PLSCR1: variants seen among roughly 807,000 people sequenced by gnomAD.
PLSCR1 encodes the protein PL scramblase 1.
Under a neutral mutation model 37.8 loss-of-function variants are expected in PLSCR1, and 17 were observed. The ratio of observed to expected loss-of-function variants is 0.45; its 90% CI spans 0.31 to 0.68. PLSCR1 has a LOEUF of 0.68. Ranked by LOEUF, PLSCR1 falls within the 30% of genes least tolerant of loss-of-function variation. PLSCR1 has a pLI of 0.06. For missense variants in PLSCR1, 347 were observed against 380.9 expected (o/e 0.91, Z 0.74); for synonymous variants, 116 against 125.9 (o/e 0.92, Z 0.53).
chr3:146,526,199 A>G (rs1443998734), intron 4 of PLSCR1, among the ~76,000 whole-genome samples: 1 of 149,040 alleles, frequency 6.7e-6, no homozygotes, highest in Non-Finnish European at 1.5e-5. Flanking sequence ...AAAAAAAAAA[A>G]AAAAAGAAAG....
chr3:146,543,834 G>A (rs1177774791), intron 1 of PLSCR1, among the ~76,000 whole-genome samples: 3 of 152,200 alleles, frequency 2.0e-5, no homozygotes, highest in Non-Finnish European at 2.9e-5. Flanking sequence ...GAAAGTGGCT[G>A]ACAGTCCACA....
In PLSCR1 at chr3:146,517,155, C is replaced by A; in HGVS notation, c.751G>T (p.Asp251Tyr). 2.0e-6 allele frequency: 3 copies of A among 1,510,788 alleles called. No individual in the cohort carries two copies. Among genetic ancestry groups the A allele is most frequent in the South Asian group, 1.3e-5 (1 of 75,004 alleles). 93.6% of individuals were successfully genotyped at this position (1,510,788 alleles called of 1,614,324 possible). Residue 251 changes from aspartate (D) to tyrosine (Y), a missense_variant, in exon 8 of 9, where the codon GAT (aspartate) becomes TAT (tyrosine). Coordinates refer to ENST00000342435, the MANE Select transcript of PLSCR1 (RefSeq NM_021105.3). Reference sequence around the variant, plus strand: ...ATTTTGCCAACCACACACTGTTCATCAAGAGATTTAATCTAAATTGAAAAA... The same window carrying A: ...ATTTTGCCAACCACACACTGTTCATAAAGAGATTTAATCTAAATTGAAAAA... ...GDVDFEIKSL[D>Y]EQCVVGKISK...
intron 3 of PLSCR1, among the ~76,000 whole-genome samples, chr3:146,532,108 T>G (rs554041205): frequency 1.3e-5 from 2 of 152,318 alleles, no homozygotes; most frequent in Admixed American, 1.3e-4. Context: ...ATATGTAATC[T>G]TGGACTTGAG....
Position 146,522,002 on chromosome 3 carries a change from C to CTTTGA in PLSCR1, c.406_407insTCAAA (p.Gly136ValfsTer29). Reference sequence around the variant, plus strand: ...TTCCGCTGCAAAGTAAACCCTCTGTCCAAAGCTGTTCTTAATTTCATATTT... The same window carrying CTTTGA: ...TTCCGCTGCAAAGTAAACCCTCTGTCTTTGACAAAGCTGTTCTTAATTTCATATTT... On this transcript the variant is annotated frameshift_variant, in exon 6 of 9. Transcript: ENST00000342435. LOFTEE classifies it high-confidence loss of function. 1.2e-6 allele frequency: 2 copies of CTTTGA among 1,613,074 alleles called. No individual in the cohort carries two copies. Among genetic ancestry groups the CTTTGA allele is most frequent in the Non-Finnish European group, 1.7e-6 (2 of 1,179,054 alleles).
chr3:146,534,742 G>A (rs1458656272), intron 2 of PLSCR1, among the ~76,000 whole-genome samples: 2 of 152,094 alleles, frequency 1.3e-5, no homozygotes, highest in Non-Finnish European at 2.9e-5. Context: ...CAGGCATGGT[G>A]GCACGCGCCT....
chr3:146,523,332 G>A (rs2044059082), intron 5 of PLSCR1, among the ~76,000 whole-genome samples: 1 of 152,192 alleles, frequency 6.6e-6, no homozygotes. Flanking sequence ...CTGTGGGTGG[G>A]CACGGTGGTG....
At position 146,521,529 on chromosome 3, in the gene PLSCR1, T is replaced by G. The variant is rs2044019499; in HGVS notation, c.738+15A>C. ...TTAGGAAAGCAAATCTTATAAACAT[T>G]ATGACATCTCTTACCTCAAAATCAA... On this transcript the variant is annotated intron_variant, in intron 7 of 8. Coordinates refer to ENST00000342435, the MANE Select transcript of PLSCR1 (RefSeq NM_021105.3). 1.2e-6 allele frequency: 2 copies of G among 1,608,042 alleles called. No homozygotes were observed. Among genetic ancestry groups the G allele is most frequent in the Non-Finnish European group, 1.7e-6 (2 of 1,176,372 alleles).
intron 1 of PLSCR1, among the ~76,000 whole-genome samples, chr3:146,537,303 G>T (rs906818369): frequency 1.8e-4 from 27 of 152,038 alleles, no homozygotes; most frequent in African/African-American, 5.8e-4. Context: ...CTACTATCCT[G>T]TCACTACTTT....
chr3:146,535,548 A>G (rs2044255257), intron 2 of PLSCR1, among the ~76,000 whole-genome samples: 1 of 152,202 alleles, frequency 6.6e-6, no homozygotes, highest in Non-Finnish European at 1.5e-5. Context: ...ATATTTACAC[A>G]TTTATTCACA....
At chr3:146,521,105 T>C (rs569358765) in intron 7 of PLSCR1, among the ~76,000 whole-genome samples, 28 of 152,242 alleles carry the variant, frequency 1.8e-4, no homozygotes, top group African/African-American at 6.7e-4. Flanking sequence ...TATCTTTGCA[T>C]AATTGGGCTT....
At chr3:146,525,698 T>A in intron 4 of PLSCR1, 51 bp from the exon 5 acceptor site, 1 of 826,858 alleles carries the variant, frequency 1.2e-6, no homozygotes, top group East Asian at 2.6e-5. Context: ...TGAAGGTTTT[T>A]ATAAGCTAAC....
At chr3:146,517,610 C>T (rs1355527517) in intron 7 of PLSCR1, among the ~76,000 whole-genome samples, 3 of 152,042 alleles carry the variant, frequency 2.0e-5, no homozygotes, top group African/African-American at 7.2e-5. Context: ...TTATTACTAC[C>T]CACTGTGAGT....
At position 146,533,479 on chromosome 3, in the gene PLSCR1, C is replaced by T. The variant is rs41267859; in HGVS notation, c.85G>A (p.Ala29Thr). The stretch of plus-strand genomic sequence containing the variant: ...TCAGCAACTGCTTTACCTTGGAATG[C>T]TGTCGGTGGATACTGAGGAGGATAC... ...VGYPPQYPPT[A>T]FQGPPGYSGY... The change falls in exon 3 of 9, where the codon GCA (alanine) becomes ACA (threonine). Residue 29 changes from alanine (A) to threonine (T), a missense_variant. Ala to Thr is a moderately conservative substitution (Grantham distance 58). Transcript: ENST00000342435. 2,889 of 1,592,448 alleles carry T rather than the reference C, an allele frequency of 1.8e-3. 6 individuals carry two copies. Among genetic ancestry groups the T allele is most frequent in the Non-Finnish European group, 2.2e-3 (2,575 of 1,163,296 alleles).
intron 1 of PLSCR1, among the ~76,000 whole-genome samples, chr3:146,540,364 C>A (rs2108675526): frequency 6.6e-6 from 1 of 152,266 alleles, no homozygotes; most frequent in Non-Finnish European, 1.5e-5. Flanking sequence ...CATTGCTTCT[C>A]TGGACTATTT....
chr3:146,526,116 G>A (rs1381945376), intron 4 of PLSCR1, among the ~76,000 whole-genome samples: 1 of 131,048 alleles, frequency 7.6e-6, no homozygotes, highest in Non-Finnish European at 1.5e-5. Context: ...CCAGGCGGCA[G>A]ATGTTGCAGT....
Position 146,515,191 on chromosome 3 carries a change from C to A in PLSCR1, c.*854G>T, listed in dbSNP as rs2043930641. 6.6e-6 allele frequency: 1 copy of A among 152,046 alleles called. No individual in the cohort carries two copies. The highest frequency in any genetic ancestry group is 2.4e-5 in the African/African-American group (1 of 41,382). 9.4% of individuals were successfully genotyped at this position (152,046 alleles called of 1,614,324 possible). A position where few individuals can be genotyped will look rare whatever the true frequency, so the allele number is the denominator to read the frequency against. On this transcript the variant is annotated 3_prime_UTR_variant, in exon 9 of 9. Transcript: ENST00000342435. ...ACAAAAATCAAATATACAAAAAAAT[C>A]AAGTTTTTATTTCAAATATTTGAAT...
intron 1 of PLSCR1, 83 bp from the exon 2 acceptor site, chr3:146,536,648 T>A: frequency 1.2e-6 from 1 of 800,908 alleles, no homozygotes; most frequent in Non-Finnish European, 2.2e-6. Flanking sequence ...ACTCTAAAAC[T>A]ACACAGTCAC....
At chr3:146,529,745 C>A (rs1252245137) in intron 3 of PLSCR1, among the ~76,000 whole-genome samples, 2 of 152,080 alleles carry the variant, frequency 1.3e-5, no homozygotes, top group Admixed American at 6.5e-5. Flanking sequence ...GATCTCCTGA[C>A]CTCGTGATCT....
chr3:146,536,079 A>G (rs1041199252), intron 2 of PLSCR1, among the ~76,000 whole-genome samples: 2 of 152,170 alleles, frequency 1.3e-5, no homozygotes, highest in African/African-American at 4.8e-5. Context: ...TTGAGAGAAA[A>G]AAAGCCAGAA....
Sources: allele counts gnomAD v4.1 joint callset (sites outside exome capture counted in the v4.1 genomes callset), GRCh38; gene constraint gnomAD v4.1.1; transcripts MANE v1.5; gene names NCBI Gene and HGNC (gene_info 2026-07-23, HGNC 2026-07-21).